Variants in FRMD4A observed in about 807,000 individuals in gnomAD.
FRMD4A encodes the protein FERM domain containing 4A.
Under a neutral mutation model 129.1 loss-of-function variants are expected in FRMD4A, and 29 were observed. The ratio of observed to expected loss-of-function variants is 0.22; its 90% CI spans 0.17 to 0.31. The LOEUF (loss-of-function observed/expected upper bound fraction) is 0.31. Ranked by LOEUF, FRMD4A falls within the 10% of genes least tolerant of loss-of-function variation. The probability of loss-of-function intolerance (pLI) is 1.00; values close to 1 mark genes in which losing one functional copy is unlikely to be tolerated. For synonymous variants in FRMD4A, 634 were observed against 571.6 expected (o/e 1.11, Z -1.56); for missense variants, 1,272 against 1,375.8 (o/e 0.92, Z 1.19).
At chr10:13,854,359 G>A (rs190295109) in intron 3 of FRMD4A, among the ~76,000 whole-genome samples, 59 of 152,242 alleles carry the variant, frequency 3.9e-4, no homozygotes, top group Admixed American at 1.4e-3. Flanking sequence ...TGGCTATAGC[G>A]TCCTCCAGAA....
chr10:13,784,141 G>A (rs1057144315), intron 5 of FRMD4A, among the ~76,000 whole-genome samples: 1 of 152,174 alleles, frequency 6.6e-6, no homozygotes, highest in Non-Finnish European at 1.5e-5. Flanking sequence ...TCACCAAGAA[G>A]AGGCAGAAGG....
chr10:13,845,445 C>A (rs767450738), intron 3 of FRMD4A, among the ~76,000 whole-genome samples: 2 of 152,194 alleles, frequency 1.3e-5, no homozygotes, highest in Non-Finnish European at 2.9e-5. Flanking sequence ...TGAAGCCTTG[C>A]ATGAAATCGT....
chr10:14,065,562 C>A (rs1588898296), intron 2 of FRMD4A, among the ~76,000 whole-genome samples: 1 of 152,126 alleles, frequency 6.6e-6, no homozygotes, highest in African/African-American at 2.4e-5. Flanking sequence ...TCCTCCAATT[C>A]CCCACTGAAA....
chr10:13,666,165 T>C lies in FRMD4A; in HGVS notation c.1535A>G (p.Asn512Ser). The C allele has an allele frequency of 6.2e-7, 1 of 1,613,688 alleles. No homozygotes were observed. ...CTTGATGCGGTTCTCATTGATTGCA[T>C]TTTCAATCTCCTGCAGTTTCTTCAG... ...NALKKLQEIE[N>S]AINENRIKSG... Residue 512 changes from asparagine to serine, a missense_variant, in exon 18 of 25, where the codon AAT becomes AGT. Asn to Ser is a conservative substitution (Grantham distance 46). Coordinates refer to ENST00000357447, the MANE Select transcript of FRMD4A (RefSeq NM_018027.5).
intron 12 of FRMD4A, among the ~76,000 whole-genome samples, chr10:13,732,732 G>C (rs2090395891): frequency 6.6e-6 from 1 of 152,224 alleles, no homozygotes; most frequent in African/African-American, 2.4e-5. Context: ...AGAGCCAAGA[G>C]GGAGTGGCAT....
At chr10:13,981,212 C>G (rs2095559397) in intron 2 of FRMD4A, among the ~76,000 whole-genome samples, 1 of 152,266 alleles carries the variant, frequency 6.6e-6, no homozygotes, top group South Asian at 2.1e-4. Flanking sequence ...GCTTGGAAAA[C>G]CAAGAACTAT....
At chr10:14,304,493 T>C (rs1846282955) in intron 2 of FRMD4A, among the ~76,000 whole-genome samples, 1 of 152,232 alleles carries the variant, frequency 6.6e-6, no homozygotes, top group African/African-American at 2.4e-5. Context: ...TTGTTCATGT[T>C]ACCTGCCATG....
At chr10:14,041,567 A>G (rs2131675043) in intron 2 of FRMD4A, among the ~76,000 whole-genome samples, 1 of 152,350 alleles carries the variant, frequency 6.6e-6, no homozygotes, top group African/African-American at 2.4e-5. Context: ...TACCCAAAAC[A>G]GATGAGTCCA....
intron 2 of FRMD4A, among the ~76,000 whole-genome samples, chr10:14,231,822 G>A (rs192516750): frequency 2.2e-4 from 34 of 152,252 alleles, no homozygotes; most frequent in Non-Finnish European, 3.8e-4. Flanking sequence ...ATAGATGCTC[G>A]ATATTAGACC....
At chr10:13,925,566 CT>C (rs66980805) in intron 2 of FRMD4A, among the ~76,000 whole-genome samples, 3 of 61,944 alleles carry the variant, frequency 4.8e-5, no homozygotes, top group African/African-American at 2.1e-4. Context: ...TAGTGAAACG[CT>C]TTTTTTTTTT....
At chr10:13,739,338 C>G (rs1477639823) in intron 11 of FRMD4A, among the ~76,000 whole-genome samples, 2 of 152,148 alleles carry the variant, frequency 1.3e-5, no homozygotes, top group African/African-American at 4.8e-5. Context: ...AAGAGGAAAC[C>G]CAATGCCACT....
intron 2 of FRMD4A, among the ~76,000 whole-genome samples, chr10:14,039,360 G>GTCCC (rs144668922): frequency 7.7e-4 from 17 of 22,052 alleles, no homozygotes; most frequent in African/African-American, 1.8e-3. Context: ...TTTCTGATCT[G>GTCCC]TCCGTCCGTC....
At chr10:14,316,747 T>G (rs1178340647) in intron 2 of FRMD4A, among the ~76,000 whole-genome samples, 2 of 152,172 alleles carry the variant, frequency 1.3e-5, no homozygotes, top group Non-Finnish European at 2.9e-5. Context: ...AATATCAGGC[T>G]GAAGACAAAG....
chr10:14,001,080 T>C (rs2095641206), intron 2 of FRMD4A, among the ~76,000 whole-genome samples: 1 of 152,166 alleles, frequency 6.6e-6, no homozygotes, highest in South Asian at 2.1e-4. Context: ...CTAGCTGGTT[T>C]CCTTATGCTA....
Position 14,312,374 on chromosome 10 carries a change from C to T in FRMD4A, c.45+17684G>A, listed in dbSNP as rs1323229672. Among the ~76,000 whole-genome samples the T allele has an allele frequency of 2.6e-5, 4 of 152,146 alleles. No individual in the cohort carries two copies. The East Asian group carries it at 7.7e-4, about 29-fold the overall frequency. On this transcript the variant is annotated intron_variant, in intron 2 of 24. Coordinates refer to ENST00000357447, the MANE Select transcript of FRMD4A (RefSeq NM_018027.5). ...GCCTATTAGAATCAGTTCTCATTTT[C>T]CTGGAGCTTCAAAAGTAGAATTAAA...
At chr10:14,084,600 T>C (rs889528175) in intron 2 of FRMD4A, among the ~76,000 whole-genome samples, 4 of 152,218 alleles carry the variant, frequency 2.6e-5, no homozygotes, top group Non-Finnish European at 2.9e-5. Flanking sequence ...AACTTGCTCA[T>C]AAGCACACTT....
At chr10:14,184,490 T>TC (rs1842019239) in intron 2 of FRMD4A, among the ~76,000 whole-genome samples, 2 of 139,220 alleles carry the variant, frequency 1.4e-5, no homozygotes, top group Admixed American at 1.5e-4. Flanking sequence ...TTCTATTATG[T>TC]TAAAAAAAAT....
intron 15 of FRMD4A, chr10:13,693,296 C>G (rs1215971257): frequency 5.7e-6 from 1 of 174,350 alleles, no homozygotes; most frequent in African/African-American, 2.4e-5. Flanking sequence ...CAGTCAGATC[C>G]AGGACCTTGG....
intron 2 of FRMD4A, among the ~76,000 whole-genome samples, chr10:13,925,374 A>G (rs1049025168): frequency 6.6e-6 from 1 of 152,106 alleles, no homozygotes; most frequent in African/African-American, 2.4e-5. Flanking sequence ...TTTTGTGTAC[A>G]AAAATTTAAC....
Sources: allele counts gnomAD v4.1 joint callset (sites outside exome capture counted in the v4.1 genomes callset), GRCh38; gene constraint gnomAD v4.1.1; transcripts MANE v1.5; gene names NCBI Gene and HGNC (gene_info 2026-07-23, HGNC 2026-07-21).